The following OPCML variants were observed in gnomAD, a reference collection of about 807,000 sequenced individuals.
The protein encoded by OPCML is opioid-binding protein/cell adhesion molecule.
A neutral mutation model predicts 37.8 loss-of-function variants in OPCML; 13 were observed. The ratio of observed to expected loss-of-function variants is 0.34; its 90% CI spans 0.22 to 0.55. OPCML has a LOEUF of 0.55. Ranked by LOEUF, OPCML falls within the 20% of genes least tolerant of loss-of-function variation. The pLI is 0.91. For missense variants in OPCML, 341 were observed against 435.6 expected (o/e 0.78, Z 1.93); for synonymous variants, 176 against 168.8 (o/e 1.04, Z -0.33).
intron 2 of OPCML, among the ~76,000 whole-genome samples, chr11:132,667,400 A>G (rs1229061912): frequency 6.6e-6 from 1 of 152,196 alleles, no homozygotes; most frequent in Non-Finnish European, 1.5e-5. Flanking sequence ...AACTTTGAGT[A>G]GCCTGATTTT....
intron 1 of OPCML, among the ~76,000 whole-genome samples, chr11:133,469,002 C>G (rs1426897660): frequency 6.6e-6 from 1 of 152,112 alleles, no homozygotes; most frequent in Non-Finnish European, 1.5e-5. Context: ...TGGCTGCTGC[C>G]CCAGAGACTG....
At chr11:133,031,582 A>G (rs993710820) in intron 1 of OPCML, among the ~76,000 whole-genome samples, 1 of 149,420 alleles carries the variant, frequency 6.7e-6, no homozygotes, top group African/African-American at 2.5e-5. Context: ...AGATGGGTGA[A>G]TGGATGGGTG....
rs1348936272 is a variant in OPCML at position 133,094,939 on chromosome 11, A to G, written c.62-151929T>C. Among the ~76,000 whole-genome samples, 93 of 152,256 alleles carry G rather than the reference A, an allele frequency of 6.1e-4. 1 individual carries two copies. The highest frequency in any genetic ancestry group is 6.1e-3 in the Admixed American group (93 of 15,288). On this transcript the variant is annotated intron_variant, in intron 1 of 7. Coordinates refer to ENST00000524381, the MANE Select transcript of OPCML (RefSeq NM_001012393.5). ...GCAGGGCATTCAAATAGCAGGTTTG[A>G]GCAAATATTTATTCATCTGCTTGCT...
rs1939676371 is a variant in OPCML at position 133,218,388 on chromosome 11, T to C, written c.62-275378A>G. On this transcript the variant is annotated intron_variant, in intron 1 of 7. Transcript: ENST00000524381. ...AATGAGGGCAGTAAACGTTAAGTGA[T>C]CGCCTTTAGAAAGCCAGGGAAGACT... Among the ~76,000 whole-genome samples the C allele has an allele frequency of 2.6e-5, 4 of 152,280 alleles. No individual in the cohort carries two copies. The South Asian group carries it at 8.3e-4, about 32-fold the overall frequency.
chr11:133,286,194 C>G (rs984262436), intron 1 of OPCML, among the ~76,000 whole-genome samples: 1 of 152,022 alleles, frequency 6.6e-6, no homozygotes, highest in African/African-American at 2.4e-5. Flanking sequence ...CTCACGCCTG[C>G]AATTCCAGCA....
At chr11:132,590,412 G>A (rs543148278) in intron 3 of OPCML, among the ~76,000 whole-genome samples, 2 of 152,206 alleles carry the variant, frequency 1.3e-5, no homozygotes, top group African/African-American at 2.4e-5. Flanking sequence ...TGAAGAAAAT[G>A]GATGTCTGAA....
At chr11:133,140,748 G>GGAAGAAGAAGACGACGAAGAAGAA (rs1565467789) in intron 1 of OPCML, among the ~76,000 whole-genome samples, 3 of 62,074 alleles carry the variant, frequency 4.8e-5, no homozygotes, top group Admixed American at 2.3e-4. Context: ...ACGACGACGA[G>GGAAGAAGAAGACGACGAAGAAGAA]GAAGAAGAAG....
At chr11:132,724,230 A>T (rs1944786988) in intron 2 of OPCML, among the ~76,000 whole-genome samples, 1 of 152,122 alleles carries the variant, frequency 6.6e-6, no homozygotes, top group Non-Finnish European at 1.5e-5. Flanking sequence ...CATAAAGGAC[A>T]CCCTGGAAGA....
At chr11:133,496,394 G>T (rs376589209) in intron 1 of OPCML, among the ~76,000 whole-genome samples, 6 of 152,232 alleles carry the variant, frequency 3.9e-5, no homozygotes, top group African/African-American at 1.4e-4. Flanking sequence ...TTATTTTTTG[G>T]TTCCATATGA....
chr11:132,487,130 G>T lies in OPCML; in HGVS notation c.505+41931C>A, dbSNP rs1157501346. Among the ~76,000 whole-genome samples, 33 of 152,172 alleles carry T rather than the reference G, an allele frequency of 2.2e-4. 1 individual carries two copies. Among genetic ancestry groups the T allele is most frequent in the Admixed American group, 2.2e-3 (33 of 15,278 alleles). On this transcript the variant is annotated intron_variant, in intron 4 of 7. Transcript: ENST00000524381. ...ACACAGCTGGGCTCTCTCATCTCCAGTGAGGATTTTTCACCCTGAAACAAA... is the reference window on the plus strand; with the variant it reads ...ACACAGCTGGGCTCTCTCATCTCCATTGAGGATTTTTCACCCTGAAACAAA...
chr11:133,477,766 G>A (rs1427072391), intron 1 of OPCML, among the ~76,000 whole-genome samples: 1 of 152,158 alleles, frequency 6.6e-6, no homozygotes, highest in Admixed American at 6.5e-5. Flanking sequence ...ATCTCCTGGG[G>A]AGAACATTTA....
At chr11:133,240,910 C>T (rs1940707004) in intron 1 of OPCML, among the ~76,000 whole-genome samples, 1 of 152,220 alleles carries the variant, frequency 6.6e-6, no homozygotes. Context: ...ACCTTTCCTC[C>T]ATATCCAGTC....
At chr11:133,360,657 T>C (rs7939013) in intron 1 of OPCML, 37,955 of 152,272 alleles carry the variant, frequency 0.25, 5,843 homozygotes, top group African/African-American at 0.43. Context: ...GGGCAACTTA[T>C]GTTGCTTAAT....
rs1163120304 is a variant in OPCML at position 133,207,217 on chromosome 11, G to A, written c.62-264207C>T. On this transcript the variant is annotated intron_variant, in intron 1 of 7. Coordinates refer to ENST00000524381, the MANE Select transcript of OPCML (RefSeq NM_001012393.5). Reference sequence around the variant, plus strand: ...CGGGAGGCTGAGGCAGGAGAATGGCGTGAACCCAGGAGGCGGAGCTTGTAG... The same window carrying A: ...CGGGAGGCTGAGGCAGGAGAATGGCATGAACCCAGGAGGCGGAGCTTGTAG... 4.6e-5 allele frequency among the ~76,000 whole-genome samples: 7 copies of A among 151,862 alleles called. No individual in the cohort carries two copies. The East Asian group carries it at 1.2e-3, about 25-fold the overall frequency.
chr11:132,710,107 C>G (rs1160325417), intron 2 of OPCML, among the ~76,000 whole-genome samples: 3 of 152,162 alleles, frequency 2.0e-5, no homozygotes, highest in Non-Finnish European at 4.4e-5. Context: ...ACGCTGGCGT[C>G]ATATGTGGAG....
intron 1 of OPCML, among the ~76,000 whole-genome samples, chr11:133,444,659 A>T (rs1292205110): frequency 6.6e-6 from 1 of 152,244 alleles, no homozygotes; most frequent in African/African-American, 2.4e-5. Context: ...ATCGTAATCA[A>T]TAATAAATAC....
At chr11:133,381,688 G>T (rs1944932079) in intron 1 of OPCML, among the ~76,000 whole-genome samples, 1 of 152,194 alleles carries the variant, frequency 6.6e-6, no homozygotes, top group Non-Finnish European at 1.5e-5. Flanking sequence ...AGACCTCAGT[G>T]AGCGTAACGA....
chr11:132,871,826 T>G (rs1051792227), intron 2 of OPCML, among the ~76,000 whole-genome samples: 2 of 152,226 alleles, frequency 1.3e-5, no homozygotes, highest in Non-Finnish European at 2.9e-5. Context: ...TCCATGGAGA[T>G]CTCATCAATG....
rs1301340345 is a variant in OPCML at position 133,212,187 on chromosome 11, T to C, written c.62-269177A>G. ...TCACAACATCATAATGACCAATCAA[T>C]CAACCAAACCAGCAAGGACAACAAC... On this transcript the variant is annotated intron_variant, in intron 1 of 7. Coordinates refer to ENST00000524381, the MANE Select transcript of OPCML (RefSeq NM_001012393.5). The surrounding 1 kb of genome is among the most constrained non-coding windows in gnomAD (Gnocchi z 4.9). Among the ~76,000 whole-genome samples the C allele has an allele frequency of 1.3e-5, 2 of 152,024 alleles. No homozygotes were observed. The highest frequency in any genetic ancestry group is 6.5e-5 in the Admixed American group (1 of 15,276).
Sources: allele counts gnomAD v4.1 joint callset (sites outside exome capture counted in the v4.1 genomes callset), GRCh38; gene constraint gnomAD v4.1.1; non-coding constraint Gnocchi (gnomAD v3.1); transcripts MANE v1.5; gene names NCBI Gene and HGNC (gene_info 2026-07-23, HGNC 2026-07-21).